Variants in SPIRE2 observed in about 807,000 individuals in gnomAD.
SPIRE2 encodes protein spire homolog 2.
In SPIRE2, 76 loss-of-function variants were observed where a neutral mutation model predicts 80.7. That is an observed-to-expected ratio of 0.94 (90% CI 0.78 to 1.14). The LOEUF (loss-of-function observed/expected upper bound fraction) is 1.14. Ranked by LOEUF, SPIRE2 falls within the 50% of genes most tolerant of loss-of-function variation. SPIRE2 has a pLI of 0.00. For missense variants in SPIRE2, 1,196 were observed against 1,015.3 expected (o/e 1.18, Z -2.42); for synonymous variants, 535 against 432.6 (o/e 1.24, Z -2.94).
rs1597226409 is a variant in SPIRE2 at position 89,868,271 on chromosome 16, T to G, written c.1806+55T>G. ...GAGCAAGGCAGATGAGGGGCTCCAC[T>G]GGCTTTGATTGGATGTGTTGGATGA... On this transcript the variant is annotated intron_variant, in intron 13 of 14. Coordinates refer to ENST00000378247, the MANE Select transcript of SPIRE2 (RefSeq NM_032451.2). The G allele has an allele frequency of 3.2e-6, 5 of 1,564,354 alleles. No individual in the cohort carries two copies. In the Admixed American group the frequency reaches 8.5e-5, roughly 27 times the overall value.
At position 89,870,234 on chromosome 16, in the gene SPIRE2, C is replaced by G; in HGVS notation, c.2107C>G (p.Leu703Val). The change falls in exon 15 of 15, where the codon CTC becomes GTC. Residue 703 changes from leucine (L) to valine (V), a missense_variant. Physicochemically the swap from Leu to Val is conservative, Grantham distance 32. Coordinates refer to ENST00000378247, the MANE Select transcript of SPIRE2 (RefSeq NM_032451.2). ...ACGACGCAGTCGCCAGACCCAATCCCTCTACATCCCTAACACCAGGACTCT... is the reference window on the plus strand; with the variant it reads ...ACGACGCAGTCGCCAGACCCAATCCGTCTACATCCCTAACACCAGGACTCT... ...TPRRSRQTQS[L>V]YIPNTRTLDF... is the part of the protein sequence containing the mutation. The G allele has an allele frequency of 6.2e-7, 1 of 1,604,422 alleles. No homozygotes were observed. The highest frequency in any genetic ancestry group is 8.5e-7 in the Non-Finnish European group (1 of 1,175,802).
intron 5 of SPIRE2, among the ~76,000 whole-genome samples, chr16:89,854,945 T>C (rs1221886007): frequency 6.6e-6 from 1 of 151,344 alleles, no homozygotes; most frequent in Non-Finnish European, 1.5e-5. Context: ...TAGGATTTTT[T>C]TTTTCTTTTT....
chr16:89,841,183 CAAAAAAA>C (rs757371405), intron 1 of SPIRE2, among the ~76,000 whole-genome samples: 1 of 112,008 alleles, frequency 8.9e-6, no homozygotes, highest in Non-Finnish European at 1.9e-5. Context: ...CACCTTGTTT[CAAAAAAA>C]AAAAAAAAGG....
Position 89,833,354 on chromosome 16 carries a change from A to C in SPIRE2, c.244+4560A>C, listed in dbSNP as rs551155137. On this transcript the variant is annotated intron_variant, in intron 1 of 14. Transcript: ENST00000378247. The stretch of plus-strand genomic sequence containing the variant: ...TGGCCAGGCTGGTCTCAAACCCCTG[A>C]CCTCAGGTGATCCGCCTGCCTCAGC... Among the ~76,000 whole-genome samples the C allele has an allele frequency of 4.0e-5, 6 of 151,788 alleles. No homozygotes were observed. The East Asian group carries it at 9.7e-4, about 25-fold the overall frequency.
chr16:89,868,322 A>G (rs2041807649), intron 13 of SPIRE2, 106 bp downstream of exon 13: 2 of 1,154,538 alleles, frequency 1.7e-6, no homozygotes, highest in South Asian at 1.3e-5. Flanking sequence ...CACCTCATCC[A>G]TTTCCTTTCA....
In SPIRE2 at chr16:89,828,516, G is replaced by T; in HGVS notation, c.-35G>T. The T allele has an allele frequency of 9.7e-7, 1 of 1,028,224 alleles. No homozygotes were observed. Among genetic ancestry groups the T allele is most frequent in the Non-Finnish European group, 1.2e-6 (1 of 859,684 alleles). 63.7% of individuals were successfully genotyped at this position (1,028,224 alleles called of 1,614,324 possible). On this transcript the variant is annotated 5_prime_UTR_variant, in exon 1 of 15. Coordinates refer to ENST00000378247, the MANE Select transcript of SPIRE2 (RefSeq NM_032451.2). The surrounding 1 kb of genome is among the most constrained non-coding windows in gnomAD (Gnocchi z 5.9). ...GCGGAAGGCGCGGCTGCATGGACGCGGGTCCGGCGCGCGGGAGGCGATGAC... is the reference window on the plus strand; with the variant it reads ...GCGGAAGGCGCGGCTGCATGGACGCTGGTCCGGCGCGCGGGAGGCGATGAC...
At chr16:89,855,855 C>T (rs924536377) in intron 6 of SPIRE2, 169 bp downstream of exon 6, 5 of 899,010 alleles carry the variant, frequency 5.6e-6, no homozygotes, top group Admixed American at 2.7e-5. Flanking sequence ...GTGTGCCAGC[C>T]CGGGGCTGTG....
intron 3 of SPIRE2, among the ~76,000 whole-genome samples, chr16:89,853,714 C>T (rs1380452478): frequency 6.6e-6 from 1 of 152,112 alleles, no homozygotes; most frequent in African/African-American, 2.4e-5. Context: ...CGAGATCGTG[C>T]GTGACGGAGG....
intron 12 of SPIRE2, among the ~76,000 whole-genome samples, chr16:89,865,925 G>A (rs891586083): frequency 9.7e-5 from 13 of 133,710 alleles, no homozygotes; most frequent in Admixed American, 5.9e-4. Context: ...CCGAGATCGC[G>A]CCACTGCACT....
chr16:89,860,305 C>G (rs2041731194), intron 9 of SPIRE2, among the ~76,000 whole-genome samples: 1 of 152,178 alleles, frequency 6.6e-6, no homozygotes, highest in Non-Finnish European at 1.5e-5. Flanking sequence ...GCTGCCCAGG[C>G]TGGAGTGCAG....
At chr16:89,864,222 C>A (rs529854915) in intron 12 of SPIRE2, among the ~76,000 whole-genome samples, 134 of 152,202 alleles carry the variant, frequency 8.8e-4, no homozygotes, top group African/African-American at 3.0e-3. Context: ...GTTTCTAGGT[C>A]ATGAGCCACA....
chr16:89,864,278 G>T (rs1022679748), intron 12 of SPIRE2, among the ~76,000 whole-genome samples: 1 of 152,198 alleles, frequency 6.6e-6, no homozygotes, highest in East Asian at 1.9e-4. Context: ...AGAATCCAGG[G>T]AGACCACAGC....
At position 89,850,393 on chromosome 16, in the gene SPIRE2, G is replaced by T; in HGVS notation, c.378G>T (p.Glu126Asp). The change falls in exon 3 of 15, where the codon GAG becomes GAT. Residue 126 changes from glutamate to aspartate, a missense_variant. Physicochemically the swap from Glu to Asp is conservative, Grantham distance 45. Coordinates refer to ENST00000378247, the MANE Select transcript of SPIRE2 (RefSeq NM_032451.2). ...SEERELSPQL[E>D]RLIDLMANND... is the part of the protein sequence containing the mutation. ...AGCGCGAACTCAGCCCTCAGCTGGAGCGGCTCATCGACCTCATGGCCAACA... is the reference window on the plus strand; with the variant it reads ...AGCGCGAACTCAGCCCTCAGCTGGATCGGCTCATCGACCTCATGGCCAACA... 1 of 1,597,458 alleles carries T rather than the reference G, an allele frequency of 6.3e-7. No homozygotes were observed. The highest frequency in any genetic ancestry group is 2.3e-5 in the East Asian group (1 of 44,200).
intron 12 of SPIRE2, among the ~76,000 whole-genome samples, chr16:89,865,973 A>AG (rs2041785893): frequency 1.3e-5 from 2 of 150,772 alleles, no homozygotes; most frequent in South Asian, 2.1e-4. Context: ...CTCAAAAAAA[A>AG]AAAAAAAAAA....
chr16:89,836,232 C>T, intron 1 of SPIRE2: 1 of 455,880 alleles, frequency 2.2e-6, no homozygotes, highest in Non-Finnish European at 4.4e-6. Context: ...GGTCAGAAAC[C>T]CAGGATGATC....
At chr16:89,843,670 TTTTTTTTTTTGTTTGTTTTTGTTTTTTG>T (rs1168073336) in intron 1 of SPIRE2, among the ~76,000 whole-genome samples, 2 of 56,902 alleles carry the variant, frequency 3.5e-5, no homozygotes, top group East Asian at 0.014. Flanking sequence ...CTGCCACGTT[TTTTTTTTTTTGTTTGTTTTTGTTTTTTG>T]TTTTTTTTTT....
chr16:89,849,304 G>A (rs550554272), intron 2 of SPIRE2, among the ~76,000 whole-genome samples: 150 of 152,342 alleles, frequency 9.8e-4, no homozygotes, highest in Non-Finnish European at 2.5e-4. Context: ...GCAGCCGCCC[G>A]TCCTGATCCA....
intron 13 of SPIRE2, among the ~76,000 whole-genome samples, chr16:89,869,031 T>TAAA (rs766356633): frequency 0.014 from 333 of 23,936 alleles, 29 homozygotes; most frequent in Middle Eastern, 0.056. Flanking sequence ...ATCTGTGTCT[T>TAAA]AAAAAAAAAA....
intron 2 of SPIRE2, 53 bp downstream of exon 2, chr16:89,845,418 C>T: frequency 1.4e-6 from 2 of 1,438,024 alleles, no homozygotes; most frequent in African/African-American, 1.4e-5. Context: ...AACGTACCTG[C>T]ATCTTAAAAT....
Sources: allele counts gnomAD v4.1 joint callset (sites outside exome capture counted in the v4.1 genomes callset), GRCh38; gene constraint gnomAD v4.1.1; non-coding constraint Gnocchi (gnomAD v3.1); transcripts MANE v1.5; gene names NCBI Gene and HGNC (gene_info 2026-07-23, HGNC 2026-07-21).